Variants in HIPK2 observed in about 807,000 individuals in gnomAD.
HIPK2 encodes homeodomain interacting protein kinase 2.
Under a neutral mutation model 113.7 loss-of-function variants are expected in HIPK2, and 27 were observed. The observed-to-expected ratio is 0.24, with a 90% CI of 0.17 to 0.33. The LOEUF (loss-of-function observed/expected upper bound fraction) is 0.33, where lower values mean the gene tolerates loss of function less well. Ranked by LOEUF, HIPK2 falls within the 10% of genes least tolerant of loss-of-function variation. The probability of loss-of-function intolerance (pLI) is 1.00; values close to 1 mark genes in which losing one functional copy is unlikely to be tolerated. For missense variants in HIPK2, 1,257 were observed against 1,588.0 expected (o/e 0.79, Z 3.54); for synonymous variants, 631 against 642.2 (o/e 0.98, Z 0.26).
At position 139,572,952 on chromosome 7, in the gene HIPK2, T is replaced by G. The variant is rs1798347890; in HGVS notation, c.3572A>C (p.Lys1191Thr). ...VYTGYPLSPA[K>T]VNQYPYI The stretch of plus-strand genomic sequence containing the variant: ...TTATATGTAAGGGTACTGGTTGACC[T>G]TGGCGGGGCTCAGTGGGTATCCAGT... Residue 1191 changes from lysine to threonine, a missense_variant, in exon 15 of 15, where the codon AAG (lysine) becomes ACG (threonine). Transcript: ENST00000406875. The G allele has an allele frequency of 1.5e-6, 2 of 1,313,696 alleles. No individual in the cohort carries two copies. Among genetic ancestry groups the G allele is most frequent in the Non-Finnish European group, 2.0e-6 (2 of 997,892 alleles). 81.4% of individuals were successfully genotyped at this position (1,313,696 alleles called of 1,614,324 possible).
At chr7:139,589,255 G>A (rs1798937228) in intron 12 of HIPK2, among the ~76,000 whole-genome samples, 1 of 152,124 alleles carries the variant, frequency 6.6e-6, no homozygotes, top group South Asian at 2.1e-4. Context: ...AAGATTCCTA[G>A]AGACATTCTA....
At chr7:139,679,586 G>C (rs1802625515) in intron 2 of HIPK2, among the ~76,000 whole-genome samples, 1 of 149,926 alleles carries the variant, frequency 6.7e-6, no homozygotes, top group South Asian at 2.1e-4. Context: ...TACCTGATGG[G>C]GGGAAAATTC....
At chr7:139,664,419 C>T (rs1251523164) in intron 2 of HIPK2, among the ~76,000 whole-genome samples, 1 of 152,110 alleles carries the variant, frequency 6.6e-6, no homozygotes, top group Non-Finnish European at 1.5e-5. Context: ...TGCCTGTAAT[C>T]CCAGCTACTA....
At chr7:139,579,891 G>A (rs932387092) in intron 13 of HIPK2, among the ~76,000 whole-genome samples, 1 of 152,114 alleles carries the variant, frequency 6.6e-6, no homozygotes, top group Non-Finnish European at 1.5e-5. Flanking sequence ...AGTATTCTTA[G>A]CAAGCTTCCC....
Position 139,626,699 on chromosome 7 carries a change from C to T in HIPK2, c.1521G>A (p.Met507Ile). The T allele has an allele frequency of 1.2e-6, 2 of 1,613,986 alleles. No homozygotes were observed. Among genetic ancestry groups the T allele is most frequent in the Non-Finnish European group, 1.7e-6 (2 of 1,179,902 alleles). The change falls in exon 6 of 15, where the codon ATG (methionine) becomes ATA (isoleucine). Residue 507 changes from methionine (M) to isoleucine (I), a missense_variant. By Grantham distance (10) the Met-to-Ile change is conservative. Coordinates refer to ENST00000406875, the MANE Select transcript of HIPK2 (RefSeq NM_022740.5). Reference sequence around the variant, plus strand: ...TTCTCTTGTCAGCATCAATGGTCAGCATCTTCTTCAACAGGTCAATGAACT... The same window carrying T: ...TTCTCTTGTCAGCATCAATGGTCAGTATCTTCTTCAACAGGTCAATGAACT... Reference protein sequence around the residue: ...RREFIDLLKKMLTIDADKRIT... With the variant: ...RREFIDLLKKILTIDADKRIT...
intron 1 of HIPK2, among the ~76,000 whole-genome samples, chr7:139,745,180 C>G (rs1441428051): frequency 1.3e-5 from 2 of 152,220 alleles, no homozygotes; most frequent in African/African-American, 4.8e-5. Context: ...AGCCTCACAT[C>G]CAGGTCCCAG....
At chr7:139,610,624 T>A (rs116598583) in intron 9 of HIPK2, among the ~76,000 whole-genome samples, 2,633 of 152,340 alleles carry the variant, frequency 0.017, 78 homozygotes, top group African/African-American at 0.059. Context: ...AACTGCACAG[T>A]GTCATTCTGG....
chr7:139,641,526 G>A (rs1455087720), intron 2 of HIPK2, among the ~76,000 whole-genome samples: 5 of 152,318 alleles, frequency 3.3e-5, no homozygotes, highest in South Asian at 4.1e-4. Flanking sequence ...TGAAAAGACA[G>A]CCATGCGCTT....
intron 9 of HIPK2, among the ~76,000 whole-genome samples, chr7:139,612,291 T>C (rs1377789689): frequency 6.6e-6 from 1 of 152,220 alleles, no homozygotes; most frequent in Non-Finnish European, 1.5e-5. Context: ...GGGAAAAGCC[T>C]TTGTGAACCT....
chr7:139,632,268 A>G (rs1800644395), intron 2 of HIPK2, among the ~76,000 whole-genome samples: 1 of 152,182 alleles, frequency 6.6e-6, no homozygotes, highest in Non-Finnish European at 1.5e-5. Flanking sequence ...CTTCTGCCTC[A>G]GCCTCCTGAG....
chr7:139,603,130 C>T (rs575578687), intron 10 of HIPK2, among the ~76,000 whole-genome samples: 4 of 152,066 alleles, frequency 2.6e-5, no homozygotes, highest in Admixed American at 2.6e-4. Flanking sequence ...TATATCACCA[C>T]CTTTCTTCTT....
rs372879863 is a variant in HIPK2, at chr7:139,631,279, C to A, written c.1233G>T (p.Arg411=). The A allele has an allele frequency of 1.4e-5, 23 of 1,611,412 alleles. No individual in the cohort carries two copies. Among genetic ancestry groups the A allele is most frequent in the Non-Finnish European group, 1.8e-5 (21 of 1,178,788 alleles). ...GCAAACCCTGTGTTTGTGAAATATA[C>A]CGAATCTGCAAGAAAAGATAAGAAT... ...YPGASEYDQI[R]YISQTQGLPA... The change falls in exon 4 of 15, where the codon CGG becomes CGT. Residue 411 remains arginine (R), a synonymous_variant. Transcript: ENST00000406875. This position sits in a 1 kb window ranked among gnomAD's most constrained non-coding sequence, Gnocchi z 4.9.
At chr7:139,574,996 T>C in intron 14 of HIPK2, 132 bp downstream of exon 14, 2 of 1,231,540 alleles carry the variant, frequency 1.6e-6, no homozygotes, top group East Asian at 2.6e-5. Flanking sequence ...ACCAAGGGCA[T>C]GTGCTGCCAC....
intron 1 of HIPK2, among the ~76,000 whole-genome samples, chr7:139,766,361 G>T (rs139979895): frequency 9.1e-4 from 139 of 152,298 alleles, no homozygotes; most frequent in African/African-American, 3.3e-3. Context: ...CTGAATATTT[G>T]ATATGTTTTG....
At chr7:139,746,257 C>T (rs1219279934) in intron 1 of HIPK2, among the ~76,000 whole-genome samples, 3 of 152,212 alleles carry the variant, frequency 2.0e-5, no homozygotes, top group East Asian at 1.9e-4. Flanking sequence ...CCTTGTGCAC[C>T]CCTGTGTGGG....
At chr7:139,669,742 C>T (rs73486039) in intron 2 of HIPK2, among the ~76,000 whole-genome samples, 2,662 of 152,228 alleles carry the variant, frequency 0.017, 61 homozygotes, top group African/African-American at 0.061. Flanking sequence ...ACTACAATTA[C>T]GCTAGGCTAC....
rs144735570 is a variant in HIPK2 at position 139,637,686 on chromosome 7, G to A, written c.1104-5961C>T. On this transcript the variant is annotated intron_variant, in intron 2 of 14. Transcript: ENST00000406875. ...GTCTATGAGGGCAGCGCAGGCATTC[G>A]GTAGCCACTCATTAAGCATTTGTTG... is the stretch of plus-strand genomic sequence containing the variant. Among the ~76,000 whole-genome samples, 11 of 152,246 alleles carry A rather than the reference G, an allele frequency of 7.2e-5. No individual in the cohort carries two copies. The East Asian group carries it at 1.7e-3, about 24-fold the overall frequency.
intron 2 of HIPK2, among the ~76,000 whole-genome samples, chr7:139,678,000 T>C (rs1802564402): frequency 6.6e-6 from 1 of 152,268 alleles, no homozygotes; most frequent in Non-Finnish European, 1.5e-5. Context: ...ATATGTTTGT[T>C]GGCTGCATAG....
At chr7:139,665,943 G>C (rs1802034135) in intron 2 of HIPK2, among the ~76,000 whole-genome samples, 1 of 148,652 alleles carries the variant, frequency 6.7e-6, no homozygotes, top group South Asian at 2.2e-4. Flanking sequence ...TCAATAAGGA[G>C]GTCTGCCTTT....
Sources: allele counts gnomAD v4.1 joint callset (sites outside exome capture counted in the v4.1 genomes callset), GRCh38; gene constraint gnomAD v4.1.1; non-coding constraint Gnocchi (gnomAD v3.1); transcripts MANE v1.5; gene names NCBI Gene and HGNC (gene_info 2026-07-23, HGNC 2026-07-21).